The following SORCS2 variants were observed in gnomAD, a reference collection of about 807,000 sequenced individuals.
SORCS2 encodes sortilin related VPS10 domain containing receptor 2, also known as VPS10 domain-containing receptor SorCS2.
In SORCS2, 100 loss-of-function variants were observed where a neutral mutation model predicts 141.6. That is an observed-to-expected ratio of 0.71 (90% CI 0.60 to 0.83). SORCS2 has a LOEUF of 0.83. Ranked by LOEUF, SORCS2 falls within the 40% of genes least tolerant of loss-of-function variation. SORCS2 has a pLI of 0.00. For synonymous variants in SORCS2, 789 were observed against 676.9 expected, an observed-to-expected ratio of 1.17 and a Z score of -2.57; for missense variants, 1,646 against 1,560.2, an observed-to-expected ratio of 1.05 and a Z score of -0.93.
intron 1 of SORCS2, among the ~76,000 whole-genome samples, chr4:7,220,207 GC>G (rs1437322878): frequency 6.6e-6 from 1 of 152,046 alleles, no homozygotes; most frequent in Non-Finnish European, 1.5e-5. Context: ...CCAGCTGGGT[GC>G]CATGGGGCCT....
chr4:7,567,415 C>A (rs563896826), intron 3 of SORCS2, among the ~76,000 whole-genome samples: 4 of 137,192 alleles, frequency 2.9e-5, no homozygotes, highest in Non-Finnish European at 4.7e-5. Flanking sequence ...ATAACTTTGA[C>A]ATTTTTGAAG....
chr4:7,416,316 A>G (rs918339772), intron 2 of SORCS2, among the ~76,000 whole-genome samples: 2 of 152,180 alleles, frequency 1.3e-5, no homozygotes, highest in Admixed American at 6.5e-5. Context: ...GTGGTATTCA[A>G]TAGGGTGCTT....
chr4:7,686,545 G>A (rs929135083), intron 10 of SORCS2, among the ~76,000 whole-genome samples: 2 of 152,236 alleles, frequency 1.3e-5, no homozygotes, highest in African/African-American at 2.4e-5. Flanking sequence ...GGAGCATTCT[G>A]CATGCACTCC....
chr4:7,322,699 TC>T (rs566940413), intron 1 of SORCS2, among the ~76,000 whole-genome samples: 36 of 152,272 alleles, frequency 2.4e-4, no homozygotes, highest in South Asian at 8.3e-4. Flanking sequence ...CTGCACACAC[TC>T]CGTGGACTAC....
chr4:7,325,273 C>T (rs988847686), intron 1 of SORCS2, among the ~76,000 whole-genome samples: 5 of 152,116 alleles, frequency 3.3e-5, no homozygotes, highest in Non-Finnish European at 7.4e-5. Context: ...CCAGGCAGCG[C>T]GCTTCACCTC....
At chr4:7,413,560 G>C (rs1287731663) in intron 2 of SORCS2, among the ~76,000 whole-genome samples, 1 of 151,832 alleles carries the variant, frequency 6.6e-6, no homozygotes, top group Non-Finnish European at 1.5e-5. Flanking sequence ...GCTAATTTTT[G>C]TGTTTTTAGT....
At chr4:7,645,765 G>A (rs2108881689) in intron 4 of SORCS2, among the ~76,000 whole-genome samples, 1 of 152,314 alleles carries the variant, frequency 6.6e-6, no homozygotes, top group Non-Finnish European at 1.5e-5. Context: ...AGTCCTTTCT[G>A]AATATGAAAG....
chr4:7,522,583 G>A (rs10017620), intron 2 of SORCS2, among the ~76,000 whole-genome samples: 3,053 of 152,146 alleles, frequency 0.02, 42 homozygotes, highest in African/African-American at 0.037. Flanking sequence ...CTCAGTAAGC[G>A]CTGTCGTCCT....
chr4:7,353,368 C>T (rs1721064423), intron 1 of SORCS2, among the ~76,000 whole-genome samples: 2 of 152,166 alleles, frequency 1.3e-5, no homozygotes, highest in Admixed American at 6.5e-5. Flanking sequence ...CTGTAGTCAG[C>T]TACTAGGAGC....
chr4:7,636,759 G>C (rs1720283757), intron 3 of SORCS2, among the ~76,000 whole-genome samples: 1 of 151,992 alleles, frequency 6.6e-6, no homozygotes, highest in South Asian at 2.1e-4. Flanking sequence ...CGAATAACAC[G>C]ATTCCCGGTT....
intron 1 of SORCS2, among the ~76,000 whole-genome samples, chr4:7,251,193 A>C (rs1713486814): frequency 6.6e-6 from 1 of 152,232 alleles, no homozygotes; most frequent in Admixed American, 6.5e-5. Context: ...TTTCAAGGGT[A>C]GTGGCCAGCT....
intron 20 of SORCS2, among the ~76,000 whole-genome samples, chr4:7,725,617 G>C (rs950607743): frequency 3.9e-5 from 6 of 152,206 alleles, no homozygotes; most frequent in African/African-American, 1.4e-4. Context: ...GGAAAGGAGA[G>C]AGCATTTGCA....
chr4:7,562,060 C>T (rs1577754119), intron 3 of SORCS2, among the ~76,000 whole-genome samples: 1 of 152,192 alleles, frequency 6.6e-6, no homozygotes, highest in South Asian at 2.1e-4. Flanking sequence ...TTAGCCCCTA[C>T]CCCATGGAGT....
intron 1 of SORCS2, among the ~76,000 whole-genome samples, chr4:7,277,529 A>G (rs966370577): frequency 6.6e-6 from 1 of 152,114 alleles, no homozygotes; most frequent in Non-Finnish European, 1.5e-5. Flanking sequence ...TGGGCTTGGG[A>G]ATTTCTGGGG....
At chr4:7,204,450 T>C (rs1384135530) in intron 1 of SORCS2, among the ~76,000 whole-genome samples, 1 of 152,084 alleles carries the variant, frequency 6.6e-6, no homozygotes, top group Non-Finnish European at 1.5e-5. Context: ...ACTCCTAAGC[T>C]CAAGCAATCC....
chr4:7,690,143 G>A lies in SORCS2; in HGVS notation c.1591+555G>A, dbSNP rs1406670492. 5.3e-5 allele frequency among the ~76,000 whole-genome samples: 8 copies of A among 151,352 alleles called. No individual in the cohort carries two copies. The East Asian group carries it at 5.9e-4, about 11-fold the overall frequency. On this transcript the variant is annotated intron_variant, in intron 11 of 26. Transcript: ENST00000507866. Reference sequence around the variant, plus strand: ...ATGATGGTGGATGGGTGGTGGATACGTGGATGGGTGGGTGGGTGGATGGAT... The same window carrying A: ...ATGATGGTGGATGGGTGGTGGATACATGGATGGGTGGGTGGGTGGATGGAT...
intron 5 of SORCS2, among the ~76,000 whole-genome samples, chr4:7,656,010 A>ACGGCCC (rs1362316219): frequency 1.3e-5 from 2 of 152,158 alleles, no homozygotes; most frequent in African/African-American, 4.8e-5. Context: ...ACTGACCACC[A>ACGGCCC]CGGCCCCGGC....
intron 3 of SORCS2, among the ~76,000 whole-genome samples, chr4:7,545,430 C>T (rs1713179540): frequency 6.6e-6 from 1 of 152,202 alleles, no homozygotes; most frequent in African/African-American, 2.4e-5. Flanking sequence ...CTCAATGGCT[C>T]TTCACCTGTG....
At chr4:7,690,961 A>G (rs958722767) in intron 11 of SORCS2, among the ~76,000 whole-genome samples, 2 of 152,220 alleles carry the variant, frequency 1.3e-5, no homozygotes, top group African/African-American at 4.8e-5. Flanking sequence ...TTCAAAATAC[A>G]AAGTAGAGCC....
Sources: allele counts gnomAD v4.1 joint callset (sites outside exome capture counted in the v4.1 genomes callset), GRCh38; gene constraint gnomAD v4.1.1; transcripts MANE v1.5; gene names NCBI Gene and HGNC (gene_info 2026-07-23, HGNC 2026-07-21).